SLC44A1: variants seen among roughly 807,000 people sequenced by gnomAD.
SLC44A1 encodes choline transporter-like protein 1.
SLC44A1 carries 26 observed loss-of-function variants against 79.3 expected under a neutral mutation model. The ratio of observed to expected loss-of-function variants is 0.33; its 90% CI spans 0.24 to 0.46. The LOEUF is 0.46. SLC44A1 is among the 20% of genes least tolerant of loss of function. The probability of loss-of-function intolerance (pLI) is 1.00; values close to 1 mark genes in which losing one functional copy is unlikely to be tolerated. For missense variants in SLC44A1, 688 were observed against 798.1 expected (o/e 0.86, Z 1.66); for synonymous variants, 263 against 286.2 (o/e 0.92, Z 0.82).
intron 1 of SLC44A1, among the ~76,000 whole-genome samples, chr9:105,279,057 G>C (rs1830283331): frequency 6.6e-6 from 1 of 151,742 alleles, no homozygotes; most frequent in Non-Finnish European, 1.5e-5. Context: ...TTCAACCCGG[G>C]AACCAAACTC....
At chr9:105,266,969 T>C (rs1236586036) in intron 1 of SLC44A1, among the ~76,000 whole-genome samples, 1 of 152,052 alleles carries the variant, frequency 6.6e-6, no homozygotes, top group African/African-American at 2.4e-5. Flanking sequence ...TATTTAAGCC[T>C]TCTTTGAGTT....
chr9:105,264,887 C>T (rs868406535), intron 1 of SLC44A1, among the ~76,000 whole-genome samples: 1 of 151,856 alleles, frequency 6.6e-6, no homozygotes, highest in East Asian at 1.9e-4. Flanking sequence ...ACCTCTACCT[C>T]CTGGGTTCAA....
intron 1 of SLC44A1, among the ~76,000 whole-genome samples, chr9:105,262,390 A>G (rs146032301): frequency 3.0e-4 from 45 of 152,366 alleles, no homozygotes; most frequent in African/African-American, 1.1e-3. Flanking sequence ...TATGCAAGTC[A>G]CAATGGCTTT....
At chr9:105,372,900 A>G (rs900307854) in intron 12 of SLC44A1, among the ~76,000 whole-genome samples, 2 of 149,200 alleles carry the variant, frequency 1.3e-5, no homozygotes, top group Non-Finnish European at 3.0e-5. Context: ...CAGTGAGCCG[A>G]GATCCCGCCA....
At chr9:105,317,489 G>A (rs1380058743) in intron 3 of SLC44A1, among the ~76,000 whole-genome samples, 1 of 152,084 alleles carries the variant, frequency 6.6e-6, no homozygotes, top group Non-Finnish European at 1.5e-5. Flanking sequence ...AGTCGGCTGT[G>A]GAAGGATGGT....
At chr9:105,376,702 T>G (rs1828303083) in intron 13 of SLC44A1, among the ~76,000 whole-genome samples, 1 of 152,030 alleles carries the variant, frequency 6.6e-6, no homozygotes, top group Admixed American at 6.6e-5. Flanking sequence ...AAGAAGCCAT[T>G]TAGAGGAATA....
At position 105,365,582 on chromosome 9, in the gene SLC44A1, A is replaced by G. The variant is rs35215533; in HGVS notation, c.1353A>G (p.Thr451=). Reference sequence around the variant, plus strand: ...TGGCAAAAGGATCTTTCATTATCACATTAGTCAAAATTCCGCGAATGATCC... The same window carrying G: ...TGGCAAAAGGATCTTTCATTATCACGTTAGTCAAAATTCCGCGAATGATCC... The part of the protein sequence containing the change: ...GTVAKGSFII[T]LVKIPRMILM... The change falls in exon 11 of 16, where the codon ACA becomes ACG. Residue 451 remains threonine (T), a synonymous_variant. Transcript: ENST00000374720. 1.2e-6 allele frequency: 2 copies of G among 1,613,642 alleles called. No homozygotes were observed. Among genetic ancestry groups the G allele is most frequent in the Non-Finnish European group, 1.7e-6 (2 of 1,179,666 alleles).
intron 1 of SLC44A1, among the ~76,000 whole-genome samples, chr9:105,293,884 G>A (rs1361663489): frequency 6.6e-6 from 1 of 152,196 alleles, no homozygotes; most frequent in Non-Finnish European, 1.5e-5. Flanking sequence ...GGCTCATGGT[G>A]AATGTGGAGT....
intron 15 of SLC44A1, among the ~76,000 whole-genome samples, chr9:105,424,543 TACTA>T (rs564454836): frequency 5.4e-4 from 82 of 152,354 alleles, no homozygotes; most frequent in African/African-American, 1.7e-3. Context: ...TAACTAGTCA[TACTA>T]ACTAACTTTC....
chr9:105,377,986 G>A (rs534708937), intron 13 of SLC44A1, among the ~76,000 whole-genome samples: 2 of 152,226 alleles, frequency 1.3e-5, no homozygotes, highest in Admixed American at 1.3e-4. Flanking sequence ...GGTGGCTCAC[G>A]CCCATAATCC....
chr9:105,389,073 TGGAA>T lies in SLC44A1; in HGVS notation c.*18_*21del. ...TCTGCTTGAACCTAGCCGACGGTTA[TGGAA>T]ACCCATTGACATTCCAAAACAATAT... On this transcript the variant is annotated 3_prime_UTR_variant, in exon 16 of 16. Coordinates refer to ENST00000374720, the MANE Select transcript of SLC44A1 (RefSeq NM_080546.5). 1 of 1,613,318 alleles carries T rather than the reference TGGAA, an allele frequency of 6.2e-7. No homozygotes were observed. The highest frequency in any genetic ancestry group is 8.5e-7 in the Non-Finnish European group (1 of 1,179,414).
chr9:105,251,316 T>C (rs1829582555), intron 1 of SLC44A1, among the ~76,000 whole-genome samples: 2 of 152,118 alleles, frequency 1.3e-5, no homozygotes, highest in South Asian at 4.1e-4. Context: ...CTCTTCTATA[T>C]CTAGTCACCA....
At chr9:105,260,629 G>T (rs1274743601) in intron 1 of SLC44A1, among the ~76,000 whole-genome samples, 1 of 152,128 alleles carries the variant, frequency 6.6e-6, no homozygotes, top group Non-Finnish European at 1.5e-5. Context: ...GTGAATCATT[G>T]TTTCTCAGAT....
chr9:105,359,400 C>T (rs1157896368), intron 7 of SLC44A1, among the ~76,000 whole-genome samples: 1 of 151,926 alleles, frequency 6.6e-6, no homozygotes, highest in Non-Finnish European at 1.5e-5. Context: ...TAATCAAATA[C>T]AGAAATAAAA....
intron 1 of SLC44A1, among the ~76,000 whole-genome samples, chr9:105,287,022 A>T (rs1343490070): frequency 1.3e-5 from 2 of 152,196 alleles, no homozygotes; most frequent in Non-Finnish European, 2.9e-5. Context: ...ACCCAGAGAC[A>T]AGGAAGGTAA....
At chr9:105,319,399 G>A (rs561510685) in intron 3 of SLC44A1, among the ~76,000 whole-genome samples, 8 of 152,224 alleles carry the variant, frequency 5.3e-5, no homozygotes, top group South Asian at 4.2e-4. Flanking sequence ...CACGGAGTCC[G>A]AGCACAGTAC....
At chr9:105,359,652 T>G (rs1827724149) in intron 7 of SLC44A1, among the ~76,000 whole-genome samples, 1 of 152,204 alleles carries the variant, frequency 6.6e-6, no homozygotes, top group African/African-American at 2.4e-5. Flanking sequence ...TCATTCTATT[T>G]TTTTAACTTC....
chr9:105,345,134 G>C (rs1241776573), intron 4 of SLC44A1, among the ~76,000 whole-genome samples: 5 of 152,134 alleles, frequency 3.3e-5, no homozygotes, highest in African/African-American at 1.2e-4. Flanking sequence ...TGACTAATCT[G>C]CATTGTACAA....
At chr9:105,414,822 A>G (rs1309659531) in intron 15 of SLC44A1, among the ~76,000 whole-genome samples, 1 of 152,152 alleles carries the variant, frequency 6.6e-6, no homozygotes, top group Non-Finnish European at 1.5e-5. Flanking sequence ...AAAAAGAAAA[A>G]AAAACCATAG....
Sources: gnomAD v4.1 joint callset for allele counts (sites outside exome capture counted in the v4.1 genomes callset) on GRCh38, gnomAD v4.1.1 for gene constraint, MANE v1.5 for transcripts, NCBI Gene and HGNC (gene_info 2026-07-23, HGNC 2026-07-21) for gene names.